The following XPO7 variants were observed in gnomAD, a reference collection of about 807,000 sequenced individuals.
XPO7 encodes exportin-7.
XPO7 carries 21 observed loss-of-function variants against 144.3 expected under a neutral mutation model. The observed-to-expected ratio is 0.15, with a 90% CI of 0.10 to 0.21. The LOEUF is 0.21. XPO7 is among the 10% of genes least tolerant of loss of function. XPO7 has a pLI of 1.00. For missense variants in XPO7, 808 were observed against 1,325.8 expected (o/e 0.61, Z 6.06); for synonymous variants, 580 against 499.6 (o/e 1.16, Z -2.15).
At chr8:21,939,857 A>G (rs1231907021) in intron 1 of XPO7, among the ~76,000 whole-genome samples, 1 of 152,226 alleles carries the variant, frequency 6.6e-6, no homozygotes, top group Non-Finnish European at 1.5e-5. Context: ...ATATTTTCAA[A>G]TGTAATTAGC....
intron 1 of XPO7, among the ~76,000 whole-genome samples, chr8:21,940,630 G>T (rs183747676): frequency 6.6e-6 from 1 of 151,754 alleles, no homozygotes; most frequent in African/African-American, 2.4e-5. Context: ...CACCACACCC[G>T]CCTAATTTTT....
intron 18 of XPO7, 136 bp from the exon 19 acceptor site, chr8:21,991,732 A>G (rs1812779521): frequency 5.2e-6 from 3 of 574,730 alleles, no homozygotes; most frequent in Non-Finnish European, 6.0e-6. Flanking sequence ...TTACATTGCT[A>G]CTAATACCTG....
At chr8:21,977,900 G>A (rs921437387) in intron 8 of XPO7, 57 bp downstream of exon 8, 2 of 1,439,454 alleles carry the variant, frequency 1.4e-6, no homozygotes, top group African/African-American at 2.8e-5. Context: ...TAGCAATGGT[G>A]AATGAACCTT....
In XPO7 at chr8:22,004,561, G is replaced by C. The variant is rs1448547818; in HGVS notation, c.3171-434G>C. On this transcript the variant is annotated intron_variant, in intron 27 of 27. Transcript: ENST00000252512. ...AAAATTAAGATGCAGTTGGGGAGCTGAATGTTAAATTGTATTTAATTTGGA... is the reference window on the plus strand; with the variant it reads ...AAAATTAAGATGCAGTTGGGGAGCTCAATGTTAAATTGTATTTAATTTGGA... Among the ~76,000 whole-genome samples, 3 of 152,134 alleles carry C rather than the reference G, an allele frequency of 2.0e-5. No homozygotes were observed. In the East Asian group the frequency reaches 5.8e-4, roughly 29 times the overall value.
At chr8:21,955,621 C>T (rs764053906) in intron 1 of XPO7, among the ~76,000 whole-genome samples, 8 of 152,074 alleles carry the variant, frequency 5.3e-5, no homozygotes, top group East Asian at 1.9e-4. Flanking sequence ...TTGTCCTGGG[C>T]CCTTTGCCGT....
At chr8:22,003,704 T>G (rs1255572772) in intron 26 of XPO7, among the ~76,000 whole-genome samples, 199 bp from the exon 27 acceptor site, 2 of 152,218 alleles carry the variant, frequency 1.3e-5, no homozygotes. Context: ...CTTTACAATT[T>G]AAAAATTCTT....
chr8:21,971,797 T>C (rs1488742310), intron 4 of XPO7, 79 bp from the exon 5 acceptor site: 3 of 1,144,014 alleles, frequency 2.6e-6, no homozygotes, highest in African/African-American at 3.1e-5. Flanking sequence ...AACCCGTCAT[T>C]CGAAAGTATG....
At chr8:21,988,829 CA>C in intron 15 of XPO7, 173 bp from the exon 16 acceptor site, 1 of 606,296 alleles carries the variant, frequency 1.6e-6, no homozygotes, top group Non-Finnish European at 2.9e-6. Context: ...TCTAGTCAAC[CA>C]AATGTAAGTA....
intron 1 of XPO7, among the ~76,000 whole-genome samples, chr8:21,925,834 A>G (rs1563307577): frequency 6.6e-6 from 1 of 152,202 alleles, no homozygotes; most frequent in Non-Finnish European, 1.5e-5. Flanking sequence ...TCCTTAAAAT[A>G]TTTATGCTCA....
At chr8:21,966,682 A>T (rs1452676709) in intron 1 of XPO7, among the ~76,000 whole-genome samples, 175 bp from the exon 2 acceptor site, 1 of 152,246 alleles carries the variant, frequency 6.6e-6, no homozygotes, top group Non-Finnish European at 1.5e-5. Flanking sequence ...CTTCTATAGC[A>T]TCAAATAAAG....
chr8:21,941,951 GCA>G (rs1811006770), intron 1 of XPO7, among the ~76,000 whole-genome samples: 1 of 152,050 alleles, frequency 6.6e-6, no homozygotes. Flanking sequence ...GTCTAAAGAA[GCA>G]CACATAGATG....
At chr8:21,967,359 T>A (rs1377884996) in intron 2 of XPO7, among the ~76,000 whole-genome samples, 1 of 152,184 alleles carries the variant, frequency 6.6e-6, no homozygotes, top group Non-Finnish European at 1.5e-5. Flanking sequence ...AGACGGAGTT[T>A]CGCTCTTGTT....
At chr8:21,930,287 T>C (rs1810600901) in intron 1 of XPO7, among the ~76,000 whole-genome samples, 2 of 152,174 alleles carry the variant, frequency 1.3e-5, no homozygotes, top group African/African-American at 4.8e-5. Context: ...TTGGCTGGTA[T>C]TGTTTGATCA....
At position 21,966,199 on chromosome 8, in the gene XPO7, C is replaced by G. The variant is rs533161288; in HGVS notation, c.19-658C>G. On this transcript the variant is annotated intron_variant, in intron 1 of 27. Transcript: ENST00000252512. ...TGTCTTATCTGTGAGTGAGCATATG[C>G]TAGGGTTGAATTTATTTTGACGCTT... 2.3e-4 allele frequency: 168 copies of G among 730,828 alleles called. No homozygotes were observed. The African/African-American group carries it at 2.7e-3, about 12-fold the overall frequency. 45.3% of individuals were successfully genotyped at this position (730,828 alleles called of 1,614,324 possible).
chr8:21,965,837 A>AATT (rs754480135), intron 1 of XPO7, among the ~76,000 whole-genome samples: 1 of 152,122 alleles, frequency 6.6e-6, no homozygotes, highest in Non-Finnish European at 1.5e-5. Context: ...AGGTTGGTTT[A>AATT]ATTATTATTA....
At chr8:21,986,633 G>C (rs997492471) in intron 13 of XPO7, among the ~76,000 whole-genome samples, 1 of 152,146 alleles carries the variant, frequency 6.6e-6, no homozygotes, top group South Asian at 2.1e-4. Context: ...ATGCCTTTCT[G>C]ATTCTGCAGC....
At chr8:21,938,093 T>C (rs1291824473) in intron 1 of XPO7, among the ~76,000 whole-genome samples, 1 of 152,186 alleles carries the variant, frequency 6.6e-6, no homozygotes, top group Non-Finnish European at 1.5e-5. Flanking sequence ...GTAACAGATA[T>C]TAACAATAGT....
chr8:21,926,353 A>G (rs1810458210), intron 1 of XPO7, among the ~76,000 whole-genome samples: 1 of 152,188 alleles, frequency 6.6e-6, no homozygotes. Flanking sequence ...GATATTTACA[A>G]TGTGCAGTCT....
chr8:21,925,352 T>C (rs1345580413), intron 1 of XPO7, among the ~76,000 whole-genome samples: 1 of 152,228 alleles, frequency 6.6e-6, no homozygotes. Flanking sequence ...AGGATGTATT[T>C]AAGAGAAGGC....
Sources: gnomAD v4.1 joint callset for allele counts (sites outside exome capture counted in the v4.1 genomes callset) on GRCh38, gnomAD v4.1.1 for gene constraint, MANE v1.5 for transcripts, NCBI Gene and HGNC (gene_info 2026-07-23, HGNC 2026-07-21) for gene names.